Variants in GALNTL6 observed in about 807,000 individuals in gnomAD.
GALNTL6 encodes the protein polypeptide N-acetylgalactosaminyltransferase like 6, also known as polypeptide N-acetylgalactosaminyltransferase-like 6.
A neutral mutation model predicts 73.7 loss-of-function variants in GALNTL6; 46 were observed. That is an observed-to-expected ratio of 0.62 (90% CI 0.49 to 0.80). GALNTL6 has a LOEUF of 0.80. Ranked by LOEUF, GALNTL6 falls within the 30% of genes least tolerant of loss-of-function variation. The pLI is 0.00. For synonymous variants in GALNTL6, 259 were observed against 263.7 expected (o/e 0.98, Z 0.17); for missense variants, 604 against 755.0 (o/e 0.80, Z 2.34).
intron 2 of GALNTL6, among the ~76,000 whole-genome samples, chr4:172,096,084 C>CTCTGTGTG (rs1553992001): frequency 4.1e-5 from 6 of 147,188 alleles, no homozygotes; most frequent in Admixed American, 2.7e-4. Context: ...CTCTCTCTTT[C>CTCTGTGTG]TGTGTGTGTG....
rs1451706838 is a variant in GALNTL6, at chr4:172,348,695, A to G, written c.553+6A>G. On this transcript the variant is annotated splice_donor_region_variant and intron_variant, in intron 5 of 12. Transcript: ENST00000506823. ...AGATGACTTCAGTGAGAGAGGTAAG[A>G]TACAGTTGATAACATTTTATCTGAT... 1 of 1,585,704 alleles carries G rather than the reference A, an allele frequency of 6.3e-7. No individual in the cohort carries two copies. Among genetic ancestry groups the G allele is most frequent in the East Asian group, 2.3e-5 (1 of 44,398 alleles).
chr4:172,899,999 A>G (rs1414302765), intron 8 of GALNTL6, among the ~76,000 whole-genome samples: 1 of 152,122 alleles, frequency 6.6e-6, no homozygotes, highest in Non-Finnish European at 1.5e-5. Flanking sequence ...CAAGGTCTTT[A>G]TGACCTATAT....
intron 2 of GALNTL6, among the ~76,000 whole-genome samples, chr4:172,036,582 T>C (rs10520214): frequency 0.099 from 15,136 of 152,214 alleles, 911 homozygotes; most frequent in Non-Finnish European, 0.14. Flanking sequence ...GCACTTTGTA[T>C]GTATTAGTTC....
intron 4 of GALNTL6, among the ~76,000 whole-genome samples, chr4:172,331,516 C>T (rs762643515): frequency 1.8e-4 from 27 of 152,206 alleles, no homozygotes; most frequent in Non-Finnish European, 2.8e-4. Flanking sequence ...AAACTTTAGG[C>T]TGGTTGATTA....
At chr4:172,023,039 C>G (rs1401722443) in intron 2 of GALNTL6, among the ~76,000 whole-genome samples, 1 of 151,922 alleles carries the variant, frequency 6.6e-6, no homozygotes, top group Non-Finnish European at 1.5e-5. Context: ...ATGCAAGAAT[C>G]CATCTTCTTT....
chr4:172,922,210 T>C (rs1265064488), intron 8 of GALNTL6, among the ~76,000 whole-genome samples: 7 of 152,202 alleles, frequency 4.6e-5, no homozygotes, highest in Admixed American at 3.3e-4. Flanking sequence ...TCCCCTGCCA[T>C]GTGGAACTGT....
intron 8 of GALNTL6, among the ~76,000 whole-genome samples, chr4:172,921,016 G>A (rs952672439): frequency 4.6e-5 from 7 of 152,180 alleles, no homozygotes; most frequent in African/African-American, 1.7e-4. Context: ...GCTATGACTT[G>A]AAGGAGATGA....
At chr4:171,936,827 A>G (rs1738363401) in intron 2 of GALNTL6, among the ~76,000 whole-genome samples, 1 of 152,186 alleles carries the variant, frequency 6.6e-6, no homozygotes, top group Admixed American at 6.6e-5. Context: ...ATTCAAATGA[A>G]GAAGAAAAAT....
At chr4:173,036,792 T>C (rs1753714642) in intron 12 of GALNTL6, among the ~76,000 whole-genome samples, 1 of 151,966 alleles carries the variant, frequency 6.6e-6, no homozygotes, top group South Asian at 2.1e-4. Context: ...TTAGGGAGGG[T>C]TGTTTTAGAA....
intron 5 of GALNTL6, among the ~76,000 whole-genome samples, chr4:172,691,663 A>G (rs1044574659): frequency 6.6e-6 from 1 of 152,098 alleles, no homozygotes; most frequent in Non-Finnish European, 1.5e-5. Context: ...TTGACCAAGA[A>G]CCCTGCCTCA....
At chr4:172,949,687 A>T (rs765943652) in intron 9 of GALNTL6, among the ~76,000 whole-genome samples, 3 of 152,090 alleles carry the variant, frequency 2.0e-5, no homozygotes, top group Non-Finnish European at 2.9e-5. Context: ...ACGCGGGTGG[A>T]TCATGAGGTC....
chr4:172,180,081 G>A (rs1002678553), intron 2 of GALNTL6, among the ~76,000 whole-genome samples: 1 of 152,068 alleles, frequency 6.6e-6, no homozygotes, highest in Admixed American at 6.5e-5. Flanking sequence ...AAGTGTTCCT[G>A]TTTCTCCACA....
chr4:172,323,820 G>T (rs1397720011), intron 4 of GALNTL6, among the ~76,000 whole-genome samples: 3 of 152,038 alleles, frequency 2.0e-5, no homozygotes, highest in African/African-American at 4.8e-5. Flanking sequence ...TGGAGTCTAA[G>T]TTGCTGGCAC....
chr4:172,345,089 G>A (rs1389637646), intron 4 of GALNTL6, among the ~76,000 whole-genome samples: 1 of 130,316 alleles, frequency 7.7e-6, no homozygotes, highest in Non-Finnish European at 1.5e-5. Context: ...TTATGAAGAG[G>A]TATTGTTTTT....
At chr4:172,574,204 T>C (rs1736872145) in intron 5 of GALNTL6, among the ~76,000 whole-genome samples, 1 of 152,186 alleles carries the variant, frequency 6.6e-6, no homozygotes, top group Non-Finnish European at 1.5e-5. Context: ...TGTGAAGTGA[T>C]TGCAGAAGAA....
Position 172,206,814 on chromosome 4 carries a change from GTTTGTT to G in GALNTL6, c.139-22838_139-22833del, listed in dbSNP as rs1403989469. 4.1e-3 allele frequency among the ~76,000 whole-genome samples: 238 copies of G among 57,992 alleles called. 11 individuals are homozygous for G. Among genetic ancestry groups the G allele is most frequent in the African/African-American group, 0.011 (223 of 20,170 alleles). The allele number at this position is 57,992 out of a possible 152,430, so 38.0% of individuals were successfully genotyped here. ...TTTGTTTTGTTTTTCTGTTTTTTTT[GTTTGTT>G]TTTTTTTTTTTTTTTGAGACGGAGT... On this transcript the variant is annotated intron_variant, in intron 2 of 12. Coordinates refer to ENST00000506823, the MANE Select transcript of GALNTL6 (RefSeq NM_001034845.3).
At chr4:171,974,392 T>TTAA (rs1249076306) in intron 2 of GALNTL6, among the ~76,000 whole-genome samples, 1 of 152,216 alleles carries the variant, frequency 6.6e-6, no homozygotes, top group Non-Finnish European at 1.5e-5. Flanking sequence ...TTGAGTCTTA[T>TTAA]TAATGCTGAC....
intron 5 of GALNTL6, among the ~76,000 whole-genome samples, chr4:172,482,144 T>A (rs1733509423): frequency 6.6e-6 from 1 of 152,080 alleles, no homozygotes; most frequent in South Asian, 2.1e-4. Context: ...CCAGGGCCGG[T>A]GGCGCCGGCC....
chr4:172,742,360 A>C (rs2083136), intron 5 of GALNTL6, among the ~76,000 whole-genome samples: 54,137 of 151,154 alleles, frequency 0.36, 10,730 homozygotes, highest in African/African-American at 0.52. Flanking sequence ...ATGTCACAGC[A>C]ATATAATTTT....
Sources: gnomAD v4.1 joint callset for allele counts (sites outside exome capture counted in the v4.1 genomes callset) on GRCh38, gnomAD v4.1.1 for gene constraint, MANE v1.5 for transcripts, NCBI Gene and HGNC (gene_info 2026-07-23, HGNC 2026-07-21) for gene names.